ANKK1: variants seen among roughly 807,000 people sequenced by gnomAD.
ANKK1 encodes the protein ankyrin repeat and protein kinase domain-containing protein 1.
ANKK1 carries 37 observed loss-of-function variants against 37.6 expected under a neutral mutation model. The observed-to-expected ratio is 0.98, with a 90% CI of 0.76 to 1.29. The LOEUF (loss-of-function observed/expected upper bound fraction) is 1.29, where lower values mean the gene tolerates loss of function less well. ANKK1 is among the 50% of genes most tolerant of loss of function. The pLI is 0.00. For synonymous variants in ANKK1, 415 were observed against 418.7 expected (o/e 0.99, Z 0.11); for missense variants, 1,019 against 990.6 (o/e 1.03, Z -0.39).
Position 113,399,599 on chromosome 11 carries a change from C to T in ANKK1, c.1630C>T (p.Gln544Ter), listed in dbSNP as rs765134129. The change falls in exon 8 of 8, where the codon CAA (glutamine) becomes TAA (stop). Residue 544 changes from glutamine (Q) to a stop codon, truncating the protein, a stop_gained. Coordinates refer to ENST00000303941, the MANE Select transcript of ANKK1 (RefSeq NM_178510.2). LOFTEE classifies it low-confidence loss of function (END_TRUNC). ...AVERGKVRAIQHLLKSGAVPD... is the reference protein window; with the variant it reads ...AVERGKVRAI ...AGAGCGGGGCAAAGTGAGGGCCATC[C>T]AACACCTGCTGAAGAGTGGAGCGGT... The T allele has an allele frequency of 1.9e-6, 3 of 1,606,746 alleles. No homozygotes were observed. Among genetic ancestry groups the T allele is most frequent in the South Asian group, 2.2e-5 (2 of 89,450 alleles).
chr11:113,396,000 C>T (rs1950634726), intron 4 of ANKK1, 67 bp from the exon 5 acceptor site: 1 of 1,574,288 alleles, frequency 6.4e-7, no homozygotes, highest in Non-Finnish European at 8.7e-7. Context: ...AGAGCCCCCG[C>T]CTTCCTCCCC....
intron 4 of ANKK1, 30 bp from the exon 5 acceptor site, chr11:113,396,037 C>T: frequency 1.9e-6 from 3 of 1,608,956 alleles, no homozygotes; most frequent in Non-Finnish European, 2.5e-6. Flanking sequence ...TACCTCTCAG[C>T]ACCCACATAG....
chr11:113,395,096 G>A lies in ANKK1; in HGVS notation c.632+16G>A. On this transcript the variant is annotated intron_variant, in intron 3 of 7. Transcript: ENST00000303941. ...ATGTGTACAGGTGAGAAGGAGGCCT[G>A]GCGTGATGCCACACACCCAGCAGGC... 6.3e-7 allele frequency: 1 copy of A among 1,585,300 alleles called. No individual in the cohort carries two copies. The highest frequency in any genetic ancestry group is 8.6e-7 in the Non-Finnish European group (1 of 1,163,374).
chr11:113,398,012 C>G lies in ANKK1; in HGVS notation c.990C>G (p.Asp330Glu). The G allele has an allele frequency of 6.4e-7, 1 of 1,565,610 alleles. No homozygotes were observed. Among genetic ancestry groups the G allele is most frequent in the Non-Finnish European group, 8.7e-7 (1 of 1,154,660 alleles). ...VNEDISQELM[D>E]SDSGNYLKRA... is the part of the protein sequence containing the mutation. Reference sequence around the variant, plus strand: ...AGGACATCAGCCAGGAACTGATGGACAGTGGTGAGTCTGGGTGCCACGGGC... The same window carrying G: ...AGGACATCAGCCAGGAACTGATGGAGAGTGGTGAGTCTGGGTGCCACGGGC... Residue 330 changes from aspartate to glutamate, a missense_variant, in exon 7 of 8, where the codon GAC becomes GAG. Physicochemically the swap from Asp to Glu is conservative, Grantham distance 45. Transcript: ENST00000303941.
chr11:113,387,848 G>C lies in ANKK1; in HGVS notation c.-37G>C. The stretch of plus-strand genomic sequence containing the variant: ...CGGCCACCCAGGCAGCAGCCACAGC[G>C]GGGAGTGCGCGGCGCGGGGACAGGA... On this transcript the variant is annotated 5_prime_UTR_variant, in exon 1 of 8. Coordinates refer to ENST00000303941, the MANE Select transcript of ANKK1 (RefSeq NM_178510.2). The C allele has an allele frequency of 6.8e-7, 1 of 1,460,858 alleles. No homozygotes were observed. The highest frequency in any genetic ancestry group is 9.1e-7 in the Non-Finnish European group (1 of 1,104,158). The allele number at this position is 1,460,858 out of a possible 1,614,324, so 90.5% of individuals were successfully genotyped here.
chr11:113,393,827 G>C (rs1950613162), intron 2 of ANKK1, 52 bp downstream of exon 2: 2 of 1,533,640 alleles, frequency 1.3e-6, no homozygotes, highest in East Asian at 4.5e-5. Context: ...GTTGCCTCCA[G>C]GTGAGCAGAA....
In ANKK1 at chr11:113,400,257, T is replaced by C. The variant is rs1459220583; in HGVS notation, c.2288T>C (p.Met763Thr). 2 of 1,538,452 alleles carry C rather than the reference T, an allele frequency of 1.3e-6. No homozygotes were observed. The highest frequency in any genetic ancestry group is 4.9e-5 in the East Asian group (2 of 40,574). ...GGTGGTTCTAAGCCAGGAGCCGAGA[T>C]GGAAATTTAGACAACTTGGCCAGCC... ...TLGGSKPGAEMEI is the reference protein window; with the variant it reads ...TLGGSKPGAETEI Residue 763 changes from methionine to threonine, a missense_variant, in exon 8 of 8, where the codon ATG (methionine) becomes ACG (threonine). Met to Thr is a moderately conservative substitution (Grantham distance 81). Transcript: ENST00000303941.
Position 113,393,480 on chromosome 11 carries a change from G to A in ANKK1, c.186-1G>A. 1 of 1,611,162 alleles carries A rather than the reference G, an allele frequency of 6.2e-7. No homozygotes were observed. On this transcript the variant is annotated splice_acceptor_variant, in intron 1 of 7. Coordinates refer to ENST00000303941, the MANE Select transcript of ANKK1 (RefSeq NM_178510.2). LOFTEE classifies it high-confidence loss of function. Reference sequence around the variant, plus strand: ...CCATATCTTGCTCCCCCTCTCCATAGCTCTGATGTGAATTACCTCATTGAA... The same window carrying A: ...CCATATCTTGCTCCCCCTCTCCATAACTCTGATGTGAATTACCTCATTGAA...
Position 113,393,527 on chromosome 11 carries a change from A to T in ANKK1, c.232A>T (p.Ile78Phe), listed in dbSNP as rs767390633. ...TGAAGAAGCTGCCAAAATGAAGAAG[A>T]TCAAGTTTCAGCACATCGTGTCTAT... The part of the protein sequence containing the change: ...LIEEAAKMKK[I>F]KFQHIVSIYG... Residue 78 changes from isoleucine to phenylalanine, a missense_variant, in exon 2 of 8, where the codon ATC becomes TTC. Ile to Phe is a conservative substitution (Grantham distance 21). Transcript: ENST00000303941. 1.7e-5 allele frequency: 28 copies of T among 1,613,834 alleles called. No homozygotes were observed. The East Asian group carries it at 5.8e-4, about 33-fold the overall frequency.
At position 113,393,609 on chromosome 11, in the gene ANKK1, C is replaced by T. The variant is rs373395692; in HGVS notation, c.314C>T (p.Ser105Phe). ...GTGATGGAGTTTATGGCCAACGGCT[C>T]CCTGGAGAAGGTGCTGTCCACCCAC... Reference protein sequence around the residue: ...GIVMEFMANGSLEKVLSTHSL... With the variant: ...GIVMEFMANGFLEKVLSTHSL... The change falls in exon 2 of 8, where the codon TCC becomes TTC. Residue 105 changes from serine (S) to phenylalanine (F), a missense_variant. Coordinates refer to ENST00000303941, the MANE Select transcript of ANKK1 (RefSeq NM_178510.2). 2 of 1,613,844 alleles carry T rather than the reference C, an allele frequency of 1.2e-6. No individual in the cohort carries two copies. The highest frequency in any genetic ancestry group is 1.3e-5 in the African/African-American group (1 of 74,920).
rs745711003 is a variant in ANKK1 at position 113,387,897 on chromosome 11, C to G, written c.13C>G (p.Pro5Ala). ...GAAGAGAGGGGCAATGGCTGCCGAC[C>G]CCACCGAGCTGCGGCTGGGCAGCCT... MAAD[P>A]TELRLGSLPV... Residue 5 changes from proline to alanine, a missense_variant, in exon 1 of 8, where the codon CCC (proline) becomes GCC (alanine). Physicochemically the swap from Pro to Ala is conservative, Grantham distance 27. Transcript: ENST00000303941. 1 of 1,550,506 alleles carries G rather than the reference C, an allele frequency of 6.4e-7. No individual in the cohort carries two copies. The highest frequency in any genetic ancestry group is 1.2e-5 in the South Asian group (1 of 84,754).
chr11:113,393,919 C>A, intron 2 of ANKK1, 144 bp downstream of exon 2: 3 of 1,064,034 alleles, frequency 2.8e-6, no homozygotes, highest in Non-Finnish European at 3.9e-6. Context: ...GATCACACTG[C>A]AATAGAGATG....
At chr11:113,393,281 C>A (rs772464047) in intron 1 of ANKK1, among the ~76,000 whole-genome samples, 200 bp from the exon 2 acceptor site, 2 of 152,130 alleles carry the variant, frequency 1.3e-5, no homozygotes, top group Non-Finnish European at 2.9e-5. Context: ...TTACTTCCTG[C>A]CTTGTTGCTG....
chr11:113,397,089 C>T (rs1017616881), intron 5 of ANKK1, 135 bp from the exon 6 acceptor site: 26 of 713,336 alleles, frequency 3.6e-5, no homozygotes, highest in Admixed American at 2.0e-4. Context: ...CCTGCCTTCT[C>T]GTGCATTTAT....
At position 113,397,961 on chromosome 11, in the gene ANKK1, G is replaced by A. The variant is rs989093359; in HGVS notation, c.958-19G>A. 6.4e-7 allele frequency: 1 copy of A among 1,556,374 alleles called. No homozygotes were observed. Among genetic ancestry groups the A allele is most frequent in the Non-Finnish European group, 8.7e-7 (1 of 1,149,550 alleles). ...TGCGCCACTGATCTCCACCCTGCCT[G>A]CTGGTTATGCCTCCCCAGGTTAATG... On this transcript the variant is annotated intron_variant, in intron 6 of 7. Transcript: ENST00000303941.
intron 1 of ANKK1, among the ~76,000 whole-genome samples, chr11:113,390,522 TGAGGTCA>T (rs2138121406): frequency 6.6e-6 from 1 of 152,292 alleles, no homozygotes; most frequent in African/African-American, 2.4e-5. Context: ...GTGGATCACC[TGAGGTCA>T]GGCAAGACCA....
In ANKK1 at chr11:113,394,985, C is replaced by T. The variant is rs775667496; in HGVS notation, c.537C>T (p.Ile179=). The T allele has an allele frequency of 1.6e-5, 26 of 1,613,620 alleles. No homozygotes were observed. The highest frequency in any genetic ancestry group is 6.7e-5 in the Admixed American group (4 of 59,992). The change falls in exon 3 of 8, where the codon ATC becomes ATT. Residue 179 remains isoleucine (I), a synonymous_variant. Transcript: ENST00000303941. ...WMEQSTRMQY[I]ERSALRGMLS... ...AACAGTCCACCCGGATGCAGTACAT[C>T]GAGAGGTCGGCTCTGCGGGGCATGC...
chr11:113,390,620 A>G (rs1333503417), intron 1 of ANKK1, among the ~76,000 whole-genome samples: 1 of 152,064 alleles, frequency 6.6e-6, no homozygotes, highest in Admixed American at 6.5e-5. Context: ...CTGTAGTCCC[A>G]GCTACTCAGG....
chr11:113,399,565 C>G lies in ANKK1; in HGVS notation c.1596C>G (p.His532Gln). ...AGAGAAACCTGAGAACACCACTGCACCTGGCAGTAGAGCGGGGCAAAGTGA... is the reference window on the plus strand; with the variant it reads ...AGAGAAACCTGAGAACACCACTGCAGCTGGCAGTAGAGCGGGGCAAAGTGA... The part of the protein sequence containing the change: ...AQQRNLRTPL[H>Q]LAVERGKVRA... Residue 532 changes from histidine to glutamine, a missense_variant, in exon 8 of 8, where the codon CAC (histidine) becomes CAG (glutamine). Coordinates refer to ENST00000303941, the MANE Select transcript of ANKK1 (RefSeq NM_178510.2). 1 of 1,603,700 alleles carries G rather than the reference C, an allele frequency of 6.2e-7. No individual in the cohort carries two copies. The highest frequency in any genetic ancestry group is 8.5e-7 in the Non-Finnish European group (1 of 1,175,416).
Sources: gnomAD v4.1 joint callset for allele counts (sites outside exome capture counted in the v4.1 genomes callset) on GRCh38, gnomAD v4.1.1 for gene constraint, MANE v1.5 for transcripts, NCBI Gene and HGNC (gene_info 2026-07-23, HGNC 2026-07-21) for gene names.